STX11: variants seen among roughly 807,000 people sequenced by gnomAD.
STX11 encodes the protein syntaxin-11.
A neutral mutation model predicts 19.9 loss-of-function variants in STX11; 21 were observed. That is an observed-to-expected ratio of 1.06 (90% CI 0.75 to 1.52). The LOEUF (loss-of-function observed/expected upper bound fraction) is 1.52, where lower values mean the gene tolerates loss of function less well. Among genes scored for constraint, STX11 ranks in the 40% most tolerant of loss-of-function variants. The probability of loss-of-function intolerance (pLI) is 0.00; values close to 1 mark genes in which losing one functional copy is unlikely to be tolerated. For synonymous variants in STX11, 193 were observed against 174.4 expected (o/e 1.11, Z -0.84); for missense variants, 438 against 405.9 (o/e 1.08, Z -0.68).
rs552447171 is a variant in STX11, at chr6:144,190,485, G to A, written c.*2994G>A. On this transcript the variant is annotated 3_prime_UTR_variant, in exon 2 of 2. Transcript: ENST00000367568. ...ACCCAAGTAAATTTATAGTTTTTAA[G>A]TACAGAGGAAAAATAAAGCCTATTT... Among the ~76,000 whole-genome samples the A allele has an allele frequency of 2.0e-5, 3 of 152,118 alleles. No homozygotes were observed. Among genetic ancestry groups the A allele is most frequent in the East Asian group, 3.9e-4 (2 of 5,184 alleles).
chr6:144,181,592 C>CA (rs145945304), intron 1 of STX11, among the ~76,000 whole-genome samples: 3,272 of 65,588 alleles, frequency 0.05, 195 homozygotes, highest in Non-Finnish European at 0.074. Flanking sequence ...AAGACCACCT[C>CA]AAAAAAAAAA....
At position 144,187,549 on chromosome 6, in the gene STX11, GCACCAAAGCCGGGAGCT is replaced by G; in HGVS notation, c.*60_*76del. On this transcript the variant is annotated 3_prime_UTR_variant, in exon 2 of 2. Transcript: ENST00000367568. The surrounding 1 kb of genome is among the most constrained non-coding windows in gnomAD (Gnocchi z 5.6). The stretch of plus-strand genomic sequence containing the variant: ...GACCATGGAGCGCGCTGGGAAGGAC[GCACCAAAGCCGGGAGCT>G]CTGCCCTGCAGGGAGTTGCCCCAAC... 9 of 1,607,456 alleles carry G rather than the reference GCACCAAAGCCGGGAGCT, an allele frequency of 5.6e-6. No homozygotes were observed. In the South Asian group the frequency reaches 9.9e-5, roughly 18 times the overall value.
chr6:144,157,152 C>G (rs1311911854), intron 1 of STX11, among the ~76,000 whole-genome samples: 1 of 152,158 alleles, frequency 6.6e-6, no homozygotes, highest in African/African-American at 2.4e-5. Context: ...GGGAAGTGCT[C>G]TGGGCACAAT....
At chr6:144,140,242 ATATATATATATATT>A in the STX11 span, among the ~76,000 whole-genome samples, 170 of 49,234 alleles carry the variant, frequency 3.5e-3, 1 homozygote, top group Non-Finnish European at 4.1e-3. Flanking sequence ...ATATATATAT[ATATATATATATATT>A]TATTTATTTA....
At position 144,187,469 on chromosome 6, in the gene STX11, T is replaced by G. The variant is rs560006390; in HGVS notation, c.842T>G (p.Phe281Cys). 3.2e-5 allele frequency: 52 copies of G among 1,612,516 alleles called. No individual in the cohort carries two copies. Among genetic ancestry groups the G allele is most frequent in the East Asian group, 3.1e-4 (14 of 44,876 alleles). The change falls in exon 2 of 2, where the codon TTC becomes TGC. Residue 281 changes from phenylalanine (F) to cysteine (C), a missense_variant. Phe to Cys is a radical substitution (Grantham distance 205). Transcript: ENST00000367568. The surrounding 1 kb of genome is among the most constrained non-coding windows in gnomAD (Gnocchi z 5.6). ...AACCCCTGCCGGACCCTCTGCTGCTTCTGCTGTCCCTGCCTCAAGTAGCAG... is the reference window on the plus strand; with the variant it reads ...AACCCCTGCCGGACCCTCTGCTGCTGCTGCTGTCCCTGCCTCAAGTAGCAG... ...EKNPCRTLCCFCCPCLK is the reference protein window; with the variant it reads ...EKNPCRTLCCCCCPCLK
In STX11 at chr6:144,154,615, A is replaced by G. The variant is rs1801087431; in HGVS notation, c.-6+3912A>G. On this transcript the variant is annotated intron_variant, in intron 1 of 1. Transcript: ENST00000367568. The surrounding 1 kb of genome is among the most constrained non-coding windows in gnomAD (Gnocchi z 4.7). ...AGAAAGGCTAGCAAGGGAGGCATTA[A>G]TCTACAGAGCAGGGTCAAATGGTGG... Among the ~76,000 whole-genome samples the G allele has an allele frequency of 6.6e-6, 1 of 152,226 alleles. No individual in the cohort carries two copies. Among genetic ancestry groups the G allele is most frequent in the Non-Finnish European group, 1.5e-5 (1 of 68,032 alleles).
Position 144,169,960 on chromosome 6 carries a change from G to C in STX11, c.-5-16663G>C, listed in dbSNP as rs112961220. Among the ~76,000 whole-genome samples the C allele has an allele frequency of 2.4e-3, 360 of 152,306 alleles. 3 individuals are homozygous for C. The highest frequency in any genetic ancestry group is 8.3e-3 in the African/African-American group (345 of 41,566). ...CCCAACACACTGAGATTACAGGTGT[G>C]AGCCACCATGCATGGAGTGTTTACT... On this transcript the variant is annotated intron_variant, in intron 1 of 1. Transcript: ENST00000367568. The surrounding 1 kb of genome is among the most constrained non-coding windows in gnomAD (Gnocchi z 5.2).
chr6:144,168,321 G>A (rs937223763), intron 1 of STX11, among the ~76,000 whole-genome samples: 3 of 152,132 alleles, frequency 2.0e-5, no homozygotes, highest in Non-Finnish European at 4.4e-5. Flanking sequence ...TTCTTATTCT[G>A]TTATACATGC....
rs1486328790 is a variant in STX11, at chr6:144,174,207, C to T, written c.-5-12416C>T. On this transcript the variant is annotated intron_variant, in intron 1 of 1. Coordinates refer to ENST00000367568, the MANE Select transcript of STX11 (RefSeq NM_003764.4). This position sits in a 1 kb window ranked among gnomAD's most constrained non-coding sequence, Gnocchi z 5.3. ...AGCTACCCAATAGCAAGCCCTTTTG[C>T]ACAAATGCTTTTCAAACCTCTGCTT... is the stretch of plus-strand genomic sequence containing the variant. Among the ~76,000 whole-genome samples, 4 of 152,118 alleles carry T rather than the reference C, an allele frequency of 2.6e-5. No individual in the cohort carries two copies. Among genetic ancestry groups the T allele is most frequent in the South Asian group, 4.1e-4 (2 of 4,830 alleles).
chr6:144,150,755 G>C (rs904763396), intron 1 of STX11, 52 bp downstream of exon 1: 2 of 967,168 alleles, frequency 2.1e-6, no homozygotes, highest in Non-Finnish European at 1.2e-6. Context: ...TATTTTCCCC[G>C]TGCGCGGAGA....
the STX11 span, among the ~76,000 whole-genome samples, chr6:144,144,386 A>G: frequency 2.0e-5 from 3 of 152,218 alleles, no homozygotes; most frequent in African/African-American, 7.2e-5. Context: ...AAAGCCACAG[A>G]CTTTTAAGCA....
At chr6:144,150,831 T>A in intron 1 of STX11, 128 bp downstream of exon 1, 2 of 724,364 alleles carry the variant, frequency 2.8e-6, no homozygotes, top group Non-Finnish European at 3.4e-6. Context: ...GTGCCTTAGG[T>A]GGGATTTTGG....
At chr6:144,140,644 C>T in the STX11 span, 1 of 564,852 alleles carries the variant, frequency 1.8e-6, no homozygotes, top group African/African-American at 2.0e-5. Flanking sequence ...TGCTAGCAGG[C>T]TGTGGTCTGT....
upstream of STX11, among the ~76,000 whole-genome samples, chr6:144,149,186 T>G (rs1800932855): frequency 6.6e-6 from 1 of 152,194 alleles, no homozygotes; most frequent in Non-Finnish European, 1.5e-5. The surrounding 1 kb of genome is among the most constrained non-coding windows in gnomAD (Gnocchi z 5.1). Flanking sequence ...TTGTACTATT[T>G]TGGAGGAAGT....
At chr6:144,166,589 G>A (rs1801487858) in intron 1 of STX11, among the ~76,000 whole-genome samples, 1 of 140,098 alleles carries the variant, frequency 7.1e-6, no homozygotes, top group Non-Finnish European at 1.5e-5. Context: ...GCAGTGGTGT[G>A]ATCTCAGCCC....
In STX11 at chr6:144,177,180, A is replaced by G. The variant is rs1801797682; in HGVS notation, c.-5-9443A>G. Among the ~76,000 whole-genome samples the G allele has an allele frequency of 6.6e-6, 1 of 152,262 alleles. No homozygotes were observed. The highest frequency in any genetic ancestry group is 1.5e-5 in the Non-Finnish European group (1 of 68,032). On this transcript the variant is annotated intron_variant, in intron 1 of 1. Transcript: ENST00000367568. The surrounding 1 kb of genome is among the most constrained non-coding windows in gnomAD (Gnocchi z 4.4). ...CCCTTTCAAAGATACTTCATGGAAT[A>G]GTTACAAAATATAAAGGAATTACTT...
intron 1 of STX11, among the ~76,000 whole-genome samples, chr6:144,178,974 C>T (rs1801839442): frequency 6.6e-6 from 1 of 152,056 alleles, no homozygotes; most frequent in South Asian, 2.1e-4. Context: ...TTTCATGCTG[C>T]TGATAAAGAC....
At chr6:144,145,867 C>G (rs751016497), upstream of STX11, among the ~76,000 whole-genome samples, 34 of 152,146 alleles carry the variant, frequency 2.2e-4, no homozygotes, top group Non-Finnish European at 2.8e-4. Context: ...TAAAAATGTT[C>G]AGGATGGTGG....
Position 144,167,162 on chromosome 6 carries a change from T to G in STX11, c.-6+16459T>G, listed in dbSNP as rs922539056. Reference sequence around the variant, plus strand: ...AAGAATATGTATTATATTTTATCATTGGTTATTTTATAGAATTAGTATATA... The same window carrying G: ...AAGAATATGTATTATATTTTATCATGGGTTATTTTATAGAATTAGTATATA... On this transcript the variant is annotated intron_variant, in intron 1 of 1. Transcript: ENST00000367568. This position sits in a 1 kb window ranked among gnomAD's most constrained non-coding sequence, Gnocchi z 5.0. Among the ~76,000 whole-genome samples, 2 of 152,246 alleles carry G rather than the reference T, an allele frequency of 1.3e-5. No individual in the cohort carries two copies. Among genetic ancestry groups the G allele is most frequent in the East Asian group, 3.8e-4 (2 of 5,206 alleles).
Sources: allele counts gnomAD v4.1 joint callset (sites outside exome capture counted in the v4.1 genomes callset), GRCh38; gene constraint gnomAD v4.1.1; non-coding constraint Gnocchi (gnomAD v3.1); transcripts MANE v1.5; gene names NCBI Gene and HGNC (gene_info 2026-07-23, HGNC 2026-07-21).